NUFIP2: variants seen among roughly 807,000 people sequenced by gnomAD.
NUFIP2 encodes the protein nuclear FMR1 interacting protein 2, also known as FMR1-interacting protein NUFIP2.
Under a neutral mutation model 56.9 loss-of-function variants are expected in NUFIP2, and 6 were observed. That is an observed-to-expected ratio of 0.11 (90% CI 0.06 to 0.21). The LOEUF is 0.21. NUFIP2 is among the 10% of genes least tolerant of loss of function. The probability of loss-of-function intolerance (pLI) is 1.00; values close to 1 mark genes in which losing one functional copy is unlikely to be tolerated. For synonymous variants in NUFIP2, 321 were observed against 298.2 expected (o/e 1.08, Z -0.79); for missense variants, 828 against 826.8 (o/e 1.00, Z -0.02).
chr17:29,280,889 GAGGCAGAATCGCTTGAACCCAGGAGGC>G (rs2069135648), intron 2 of NUFIP2, among the ~76,000 whole-genome samples: 1 of 95,812 alleles, frequency 1.0e-5, no homozygotes, highest in South Asian at 3.6e-4. Flanking sequence ...TCGGGAGGCT[GAGGCAGAATCGCTTGAACCCAGGAGGC>G]AGAGGTTGCA....
At chr17:29,280,623 G>A (rs2069134035) in intron 2 of NUFIP2, among the ~76,000 whole-genome samples, 1 of 151,494 alleles carries the variant, frequency 6.6e-6, no homozygotes, top group Admixed American at 6.6e-5. Flanking sequence ...GAGTTCAAGG[G>A]TGCAGTGAGC....
intron 2 of NUFIP2, among the ~76,000 whole-genome samples, chr17:29,276,770 TG>T (rs2069110866): frequency 6.6e-6 from 1 of 152,220 alleles, no homozygotes; most frequent in Non-Finnish European, 1.5e-5. Context: ...GATACTGATT[TG>T]AACAAATACT....
intron 2 of NUFIP2, among the ~76,000 whole-genome samples, chr17:29,282,606 A>T (rs2069147251): frequency 6.6e-6 from 1 of 152,008 alleles, no homozygotes; most frequent in African/African-American, 2.4e-5. Flanking sequence ...TATAAGTTAA[A>T]TAAATAGTGC....
intron 3 of NUFIP2, among the ~76,000 whole-genome samples, chr17:29,266,811 G>T (rs1191996569): frequency 6.6e-6 from 1 of 151,526 alleles, no homozygotes; most frequent in Non-Finnish European, 1.5e-5. Flanking sequence ...ACTTTCATCT[G>T]TTTTTTTCAC....
At chr17:29,266,493 T>G (rs1044738959) in intron 3 of NUFIP2, among the ~76,000 whole-genome samples, 3 of 151,992 alleles carry the variant, frequency 2.0e-5, no homozygotes, top group Admixed American at 6.6e-5. Flanking sequence ...CACATCCATC[T>G]GAAATTCACT....
chr17:29,272,858 C>A (rs1274628110), intron 2 of NUFIP2, among the ~76,000 whole-genome samples: 1 of 141,980 alleles, frequency 7.0e-6, no homozygotes, highest in Non-Finnish European at 1.5e-5. Context: ...TTTTTCTTTT[C>A]TTTTCTTTTT....
chr17:29,264,534 G>A lies in NUFIP2; in HGVS notation c.*5C>T, dbSNP rs768019365. The A allele has an allele frequency of 1.2e-6, 2 of 1,602,272 alleles. No individual in the cohort carries two copies. Among genetic ancestry groups the A allele is most frequent in the South Asian group, 1.1e-5 (1 of 90,764 alleles). ...AGAAAGGTTACGAATAGGCAGTCTG[G>A]TCCTTCATTGATCTGGACTATCCAT... On this transcript the variant is annotated 3_prime_UTR_variant, in exon 4 of 4. Transcript: ENST00000225388.
Position 29,256,827 on chromosome 17 carries a change from G to A in NUFIP2, c.*7712C>T. On this transcript the variant is annotated 3_prime_UTR_variant, in exon 4 of 4. Coordinates refer to ENST00000225388, the MANE Select transcript of NUFIP2 (RefSeq NM_020772.3). ...CCTAAACTTGTTCTAATCAGCTTGGGCAATTTTTTAAAAGATACACGTTAT... is the reference window on the plus strand; with the variant it reads ...CCTAAACTTGTTCTAATCAGCTTGGACAATTTTTTAAAAGATACACGTTAT... The A allele has an allele frequency of 6.6e-6, 1 of 152,118 alleles. No individual in the cohort carries two copies. Among genetic ancestry groups the A allele is most frequent in the Admixed American group, 6.5e-5 (1 of 15,268 alleles). The allele number at this position is 152,118 out of a possible 1,614,324, so 9.4% of individuals were successfully genotyped here. A position where few individuals can be genotyped will look rare whatever the true frequency, so the allele number is the denominator to read the frequency against.
At chr17:29,280,028 G>A (rs559760550) in intron 2 of NUFIP2, among the ~76,000 whole-genome samples, 8 of 152,234 alleles carry the variant, frequency 5.3e-5, no homozygotes, top group Admixed American at 2.0e-4. Context: ...ATGTTGGCCA[G>A]GTTGGTCTCA....
chr17:29,293,353 G>C (rs2069230350), intron 1 of NUFIP2, among the ~76,000 whole-genome samples: 1 of 151,968 alleles, frequency 6.6e-6, no homozygotes, highest in African/African-American at 2.4e-5. Flanking sequence ...AGGGTCTCGC[G>C]ACACCATCCG....
Position 29,286,986 on chromosome 17 carries a change from T to C in NUFIP2, c.1008A>G (p.Leu336=), listed in dbSNP as rs541584049. 6 of 1,614,210 alleles carry C rather than the reference T, an allele frequency of 3.7e-6. No homozygotes were observed. Among genetic ancestry groups the C allele is most frequent in the Admixed American group, 3.3e-5 (2 of 60,024 alleles). The stretch of plus-strand genomic sequence containing the variant: ...CTGGAAAAACTGGGGGTGGTTTAAA[T>C]AGGGTCCACGAGTCCTCTTTGGAGG... ...AVASKEDSWT[L]FKPPPVFPVD... is the part of the protein sequence containing the mutation. Residue 336 remains leucine, a synonymous_variant, in exon 2 of 4, where the codon CTA becomes CTG. Transcript: ENST00000225388.
chr17:29,289,229 A>G (rs1310939725), intron 1 of NUFIP2, among the ~76,000 whole-genome samples: 1 of 152,258 alleles, frequency 6.6e-6, no homozygotes, highest in African/African-American at 2.4e-5. Flanking sequence ...CACTGTAACA[A>G]AATGGTGCTA....
chr17:29,274,596 C>T (rs747626921), intron 2 of NUFIP2, among the ~76,000 whole-genome samples: 4 of 152,144 alleles, frequency 2.6e-5, no homozygotes, highest in Non-Finnish European at 4.4e-5. Flanking sequence ...AAAGATGCTA[C>T]GGTTCACAAA....
intron 1 of NUFIP2, among the ~76,000 whole-genome samples, chr17:29,291,708 C>G (rs957913011): frequency 6.6e-6 from 1 of 152,158 alleles, no homozygotes; most frequent in Non-Finnish European, 1.5e-5. Context: ...CCTTATGCAG[C>G]CATAATATGG....
chr17:29,277,532 T>C (rs2069115044), intron 2 of NUFIP2, among the ~76,000 whole-genome samples: 1 of 152,210 alleles, frequency 6.6e-6, no homozygotes, highest in Non-Finnish European at 1.5e-5. Context: ...ATTAAAATTC[T>C]GCTTTCCCCC....
rs2068994862 is a variant in NUFIP2 at position 29,260,254 on chromosome 17, G to T, written c.*4285C>A. ...ATCCAACAGTTAAGTCATGGGTAGG[G>T]TTATTAAGATACTGCCCTATCAGAC... On this transcript the variant is annotated 3_prime_UTR_variant, in exon 4 of 4. Transcript: ENST00000225388. 1.3e-5 allele frequency: 2 copies of T among 152,156 alleles called. No individual in the cohort carries two copies. The highest frequency in any genetic ancestry group is 2.9e-5 in the Non-Finnish European group (2 of 68,034). The allele number at this position is 152,156 out of a possible 1,614,324, so 9.4% of individuals were successfully genotyped here. A position where few individuals can be genotyped will look rare whatever the true frequency, so the allele number is the denominator to read the frequency against.
At chr17:29,290,664 AAAAGAAAG>A (rs200345148) in intron 1 of NUFIP2, among the ~76,000 whole-genome samples, 10,067 of 147,222 alleles carry the variant, frequency 0.068, 364 homozygotes, top group South Asian at 0.18. Context: ...AAAAAAAAAA[AAAAGAAAG>A]AAAGAAAGAA....
intron 3 of NUFIP2, among the ~76,000 whole-genome samples, chr17:29,265,711 T>TAAAAA (rs35098158): frequency 8.9e-6 from 1 of 112,154 alleles, no homozygotes; most frequent in Non-Finnish European, 1.8e-5. Context: ...TATACATGCT[T>TAAAAA]AAAAAAAAAA....
Position 29,259,560 on chromosome 17 carries a change from A to G in NUFIP2, c.*4979T>C, listed in dbSNP as rs1291875844. 10 of 134,574 alleles carry G rather than the reference A, an allele frequency of 7.4e-5. No homozygotes were observed. The allele number at this position is 134,574 out of a possible 1,614,324, so 8.3% of individuals were successfully genotyped here. ...GCGCCACTGTACTCCAGCCTGGGCAACAGACAGTCCGTCTCAAAAAAAAAA... is the reference window on the plus strand; with the variant it reads ...GCGCCACTGTACTCCAGCCTGGGCAGCAGACAGTCCGTCTCAAAAAAAAAA... On this transcript the variant is annotated 3_prime_UTR_variant, in exon 4 of 4. Coordinates refer to ENST00000225388, the MANE Select transcript of NUFIP2 (RefSeq NM_020772.3).
Sources: gnomAD v4.1 joint callset for allele counts (sites outside exome capture counted in the v4.1 genomes callset) on GRCh38, gnomAD v4.1.1 for gene constraint, MANE v1.5 for transcripts, NCBI Gene and HGNC (gene_info 2026-07-23, HGNC 2026-07-21) for gene names.